ASTN2: variants seen among roughly 807,000 people sequenced by gnomAD.
ASTN2 encodes the protein astrotactin 2, also known as astrotactin-2.
ASTN2 carries 54 observed loss-of-function variants against 139.8 expected under a neutral mutation model. The observed-to-expected ratio is 0.39, with a 90% CI of 0.31 to 0.48. ASTN2 has a LOEUF of 0.48. ASTN2 is among the 20% of genes least tolerant of loss of function. The pLI, the probability that ASTN2 is intolerant of heterozygous loss-of-function variation, is 0.95. For synonymous variants in ASTN2, 756 were observed against 719.5 expected, an observed-to-expected ratio of 1.05 and a Z score of -0.81; for missense variants, 1,565 against 1,725.1, an observed-to-expected ratio of 0.91 and a Z score of 1.64.
At chr9:117,326,455 T>G (rs899399896) in intron 1 of ASTN2, among the ~76,000 whole-genome samples, 44 of 152,044 alleles carry the variant, frequency 2.9e-4, no homozygotes, top group Admixed American at 6.5e-4. Flanking sequence ...AACAGGCATA[T>G]AAATAATACC....
intron 20 of ASTN2, among the ~76,000 whole-genome samples, chr9:116,472,651 C>G (rs1325949930): frequency 1.3e-5 from 2 of 151,934 alleles, no homozygotes; most frequent in Non-Finnish European, 2.9e-5. Context: ...TACCTGTAAT[C>G]CCAGCACCTT....
intron 7 of ASTN2, among the ~76,000 whole-genome samples, chr9:117,005,510 T>C (rs1837329881): frequency 6.6e-6 from 1 of 152,116 alleles, no homozygotes; most frequent in South Asian, 2.1e-4. Flanking sequence ...TCAATCCAGG[T>C]ACGTGCCTGC....
At chr9:116,596,864 G>A (rs551599478) in intron 19 of ASTN2, among the ~76,000 whole-genome samples, 11 of 152,086 alleles carry the variant, frequency 7.2e-5, no homozygotes, top group Non-Finnish European at 1.5e-4. Flanking sequence ...TTCCAGTTAA[G>A]GGAATCACTA....
In ASTN2 at chr9:117,188,190, G is replaced by C. The variant is rs546174299; in HGVS notation, c.1015+26168C>G. On this transcript the variant is annotated intron_variant, in intron 3 of 22. Coordinates refer to ENST00000313400, the MANE Select transcript of ASTN2 (RefSeq NM_001365068.1). ...ATAGAGAGAGAGAGAGAGAGAGAGA[G>C]AGACAGAGAGAGAGAGAGAGAGGAA... is the stretch of plus-strand genomic sequence containing the variant. Among the ~76,000 whole-genome samples the C allele has an allele frequency of 7.5e-5, 5 of 66,792 alleles. No individual in the cohort carries two copies. In the South Asian group the frequency reaches 2.0e-3, roughly 27 times the overall value. 43.8% of individuals were successfully genotyped at this position (66,792 alleles called of 152,430 possible).
intron 19 of ASTN2, chr9:116,586,128 T>A (rs1564134624): frequency 6.6e-6 from 1 of 152,090 alleles, no homozygotes; most frequent in African/African-American, 2.4e-5. Flanking sequence ...ATGGCTATTA[T>A]CAAAAAGTCA....
At chr9:117,247,616 C>T (rs568957058) in intron 2 of ASTN2, among the ~76,000 whole-genome samples, 9 of 152,330 alleles carry the variant, frequency 5.9e-5, no homozygotes, top group Admixed American at 5.9e-4. Context: ...AAAACAAAAA[C>T]AAAAACTGTC....
chr9:117,226,309 T>C (rs969770903), intron 2 of ASTN2, among the ~76,000 whole-genome samples: 2 of 152,208 alleles, frequency 1.3e-5, no homozygotes, highest in African/African-American at 2.4e-5. Flanking sequence ...CTATGGAACC[T>C]TGGATAGGCT....
At chr9:116,731,212 TAATAATAATAATAAA>T in intron 14 of ASTN2, among the ~76,000 whole-genome samples, 1 of 125,620 alleles carries the variant, frequency 8.0e-6, no homozygotes, top group South Asian at 3.0e-4. Flanking sequence ...ATAATAATAA[TAATAATAATAATAAA>T]TCTTTTGAAA....
chr9:116,980,513 C>T (rs1056892631), intron 7 of ASTN2, among the ~76,000 whole-genome samples: 1 of 152,038 alleles, frequency 6.6e-6, no homozygotes, highest in Non-Finnish European at 1.5e-5. Context: ...CATGTAGAGA[C>T]ACAAATTACC....
intron 19 of ASTN2, among the ~76,000 whole-genome samples, chr9:116,496,376 A>G (rs990616090): frequency 6.6e-6 from 1 of 152,210 alleles, no homozygotes; most frequent in Non-Finnish European, 1.5e-5. Context: ...TTCCCTGGAA[A>G]GCAGAGCTTA....
chr9:116,447,788 C>A (rs1425172177), intron 20 of ASTN2, among the ~76,000 whole-genome samples: 2 of 152,206 alleles, frequency 1.3e-5, no homozygotes, highest in Non-Finnish European at 2.9e-5. Flanking sequence ...AATATGCAAT[C>A]AATCGCTGTT....
At chr9:116,765,722 T>C (rs1414441779) in intron 13 of ASTN2, among the ~76,000 whole-genome samples, 1 of 151,950 alleles carries the variant, frequency 6.6e-6, no homozygotes, top group Non-Finnish European at 1.5e-5. Context: ...GAAAAATCTC[T>C]AGGGGGTATT....
At position 116,932,075 on chromosome 9, in the gene ASTN2, C is replaced by T. The variant is rs151152522; in HGVS notation, c.1889+43133G>A. On this transcript the variant is annotated intron_variant, in intron 10 of 22. Transcript: ENST00000313400. ...GTTTGAAGAGATAGGACCTTAGAGGCCATGGTAACACACTTGAATATGATG... is the reference window on the plus strand; with the variant it reads ...GTTTGAAGAGATAGGACCTTAGAGGTCATGGTAACACACTTGAATATGATG... 2.6e-3 allele frequency among the ~76,000 whole-genome samples: 392 copies of T among 152,160 alleles called. 1 individual carries two copies. The highest frequency in any genetic ancestry group is 4.1e-3 in the Non-Finnish European group (276 of 68,018).
intron 16 of ASTN2, among the ~76,000 whole-genome samples, chr9:116,688,962 T>C (rs1206515491): frequency 2.0e-5 from 3 of 152,136 alleles, no homozygotes; most frequent in African/African-American, 7.2e-5. Context: ...AAGTCTGGCT[T>C]TGTCTCCTAG....
intron 19 of ASTN2, among the ~76,000 whole-genome samples, chr9:116,616,087 TA>T (rs1357254123): frequency 6.6e-6 from 1 of 152,088 alleles, no homozygotes; most frequent in East Asian, 1.9e-4. Context: ...CATAAATAAA[TA>T]AACGTCATCA....
intron 13 of ASTN2, among the ~76,000 whole-genome samples, chr9:116,738,882 T>C (rs1408189501): frequency 2.6e-5 from 4 of 152,192 alleles, no homozygotes; most frequent in Non-Finnish European, 5.9e-5. Flanking sequence ...GCTTGACTCA[T>C]TTAGAGATGA....
At chr9:116,816,039 C>T (rs963946762) in intron 12 of ASTN2, among the ~76,000 whole-genome samples, 1 of 152,016 alleles carries the variant, frequency 6.6e-6, no homozygotes, top group African/African-American at 2.4e-5. Context: ...AAGCACACAG[C>T]CAAATTTATC....
intron 2 of ASTN2, among the ~76,000 whole-genome samples, chr9:117,287,136 G>A (rs1242364561): frequency 2.0e-5 from 3 of 152,128 alleles, no homozygotes; most frequent in Admixed American, 2.0e-4. Context: ...AAAGTTCTCA[G>A]TGGTGGCAGT....
At chr9:117,068,257 T>G (rs1357668171) in intron 5 of ASTN2, among the ~76,000 whole-genome samples, 1 of 82,386 alleles carries the variant, frequency 1.2e-5, no homozygotes, top group Admixed American at 1.2e-4. Context: ...CTGCATCTAT[T>G]GAGATAATCA....
Sources: allele counts gnomAD v4.1 joint callset (sites outside exome capture counted in the v4.1 genomes callset), GRCh38; gene constraint gnomAD v4.1.1; transcripts MANE v1.5; gene names NCBI Gene and HGNC (gene_info 2026-07-23, HGNC 2026-07-21).